Variants in FAT4 observed in about 807,000 individuals in gnomAD.
FAT4 encodes the protein protocadherin Fat 4.
FAT4 carries 84 observed loss-of-function variants against 303.9 expected under a neutral mutation model. That is an observed-to-expected ratio of 0.28 (90% CI 0.23 to 0.33). FAT4 has a LOEUF of 0.33. FAT4 is among the 10% of genes least tolerant of loss of function. The probability of loss-of-function intolerance (pLI) is 1.00; values close to 1 mark genes in which losing one functional copy is unlikely to be tolerated. For synonymous variants in FAT4, 2,307 were observed against 2,298.8 expected, an observed-to-expected ratio of 1.00 and a Z score of -0.10; for missense variants, 6,005 against 6,146.8, an observed-to-expected ratio of 0.98 and a Z score of 0.77.
At chr4:125,390,124 T>C (rs75705992) in intron 2 of FAT4, among the ~76,000 whole-genome samples, 9,696 of 152,246 alleles carry the variant, frequency 0.064, 306 homozygotes, top group Middle Eastern at 0.088. Context: ...CAGCTCTTTA[T>C]TGTTGTTAAG....
At position 125,451,547 on chromosome 4, in the gene FAT4, A is replaced by C. The variant is rs746827059; in HGVS notation, c.10537A>C (p.Thr3513Pro). 5.0e-6 allele frequency: 8 copies of C among 1,614,138 alleles called. No homozygotes were observed. The highest frequency in any genetic ancestry group is 6.8e-6 in the Non-Finnish European group (8 of 1,180,008). The stretch of plus-strand genomic sequence containing the variant: ...TATAAATGATAACGGGCCCATGCTG[A>C]CTGTCAGTGAAGGAGAAGTCATGGA... ...EDINDNGPML[T>P]VSEGEVMENK... is the part of the protein sequence containing the mutation. Residue 3513 changes from threonine to proline, a missense_variant, in exon 10 of 18, where the codon ACT becomes CCT. Coordinates refer to ENST00000394329, the MANE Select transcript of FAT4 (RefSeq NM_001291303.3).
At chr4:125,339,505 A>G (rs1204595746) in intron 2 of FAT4, among the ~76,000 whole-genome samples, 1 of 152,090 alleles carries the variant, frequency 6.6e-6, no homozygotes, top group Non-Finnish European at 1.5e-5. Context: ...CTCCAACATT[A>G]TTTCTATGGT....
Position 125,408,484 on chromosome 4 carries a change from T to A in FAT4, c.5610T>A (p.Ser1870=), listed in dbSNP as rs1734709340. The part of the protein sequence containing the change: ...VAAILATDDD[S]GVNGEITYIV... The stretch of plus-strand genomic sequence containing the variant: ...CCATTTTAGCCACGGATGATGACTC[T>A]GGTGTGAATGGAGAAATTACATATA... Residue 1870 remains serine (S), a synonymous_variant, in exon 5 of 18, where the codon TCT becomes TCA. Coordinates refer to ENST00000394329, the MANE Select transcript of FAT4 (RefSeq NM_001291303.3). The A allele has an allele frequency of 6.2e-7, 1 of 1,611,882 alleles. No homozygotes were observed. Among genetic ancestry groups the A allele is most frequent in the Admixed American group, 1.7e-5 (1 of 59,790 alleles).
At chr4:125,342,750 AAC>A (rs1321041658) in intron 2 of FAT4, among the ~76,000 whole-genome samples, 1 of 151,906 alleles carries the variant, frequency 6.6e-6, no homozygotes, top group Non-Finnish European at 1.5e-5. Flanking sequence ...TCAAGAATGA[AAC>A]ACAATTTTAT....
chr4:125,376,262 T>G (rs951802873), intron 2 of FAT4, among the ~76,000 whole-genome samples: 2 of 152,244 alleles, frequency 1.3e-5, no homozygotes, highest in African/African-American at 4.8e-5. Flanking sequence ...ATGCAAGATT[T>G]TATTTTTCCT....
intron 11 of FAT4, among the ~76,000 whole-genome samples, chr4:125,465,058 A>G (rs1012907428): frequency 6.6e-6 from 1 of 152,240 alleles, no homozygotes; most frequent in Non-Finnish European, 1.5e-5. Context: ...AAAGACAAAC[A>G]AAATAGAAAA....
chr4:125,334,224 C>G (rs192704695), intron 2 of FAT4, among the ~76,000 whole-genome samples: 46 of 152,134 alleles, frequency 3.0e-4, no homozygotes, highest in African/African-American at 1.1e-3. Flanking sequence ...AAGACATCTC[C>G]CAAAAACATG....
chr4:125,424,901 A>C (rs924295027), intron 7 of FAT4, among the ~76,000 whole-genome samples: 11 of 152,206 alleles, frequency 7.2e-5, no homozygotes, highest in Non-Finnish European at 1.0e-4. Flanking sequence ...AAAAGGCACG[A>C]ATCAGGCATG....
chr4:125,339,291 G>T (rs1231811572), intron 2 of FAT4, among the ~76,000 whole-genome samples: 2 of 151,998 alleles, frequency 1.3e-5, no homozygotes, highest in Non-Finnish European at 2.9e-5. Flanking sequence ...AGCCTCCCGG[G>T]TTCAAGCGAT....
intron 2 of FAT4, among the ~76,000 whole-genome samples, chr4:125,351,243 C>A (rs1357714449): frequency 6.6e-6 from 1 of 151,510 alleles, no homozygotes; most frequent in Non-Finnish European, 1.5e-5. Flanking sequence ...TTGGTGCCAC[C>A]AATTTGAAAT....
chr4:125,491,578 T>G lies in FAT4; in HGVS notation c.14762T>G (p.Met4921Arg), dbSNP rs1264855798. The G allele has an allele frequency of 8.1e-6, 13 of 1,614,042 alleles. No individual in the cohort carries two copies. Among genetic ancestry groups the G allele is most frequent in the African/African-American group, 1.3e-5 (1 of 74,922 alleles). ...APGTADNTLP[M>R]KLGQQAGTFN... is the part of the protein sequence containing the mutation. ...GGCACTGCTGACAACACACTGCCCATGAAGCTAGGGCAGCAAGCAGGGACT... is the reference window on the plus strand; with the variant it reads ...GGCACTGCTGACAACACACTGCCCAGGAAGCTAGGGCAGCAAGCAGGGACT... The change falls in exon 18 of 18, where the codon ATG becomes AGG. Residue 4921 changes from methionine to arginine, a missense_variant. Transcript: ENST00000394329.
intron 2 of FAT4, among the ~76,000 whole-genome samples, chr4:125,382,572 G>C (rs906718067): frequency 6.6e-6 from 1 of 152,168 alleles, no homozygotes; most frequent in Admixed American, 6.5e-5. Context: ...AGCAGGTAGA[G>C]TAGACATAGC....
chr4:125,337,228 A>G (rs532628964), intron 2 of FAT4, among the ~76,000 whole-genome samples: 1 of 152,178 alleles, frequency 6.6e-6, no homozygotes, highest in South Asian at 2.1e-4. Flanking sequence ...TTTGGATTAT[A>G]GTGAATTTTT....
intron 8 of FAT4, among the ~76,000 whole-genome samples, chr4:125,434,863 G>C (rs1357341858): frequency 6.6e-6 from 1 of 152,128 alleles, no homozygotes; most frequent in African/African-American, 2.4e-5. Flanking sequence ...TTCCTGATGT[G>C]GTTCTTTAGC....
At position 125,490,890 on chromosome 4, in the gene FAT4, T is replaced by C; in HGVS notation, c.14074T>C (p.Ser4692Pro). 6.2e-7 allele frequency: 1 copy of C among 1,614,142 alleles called. No individual in the cohort carries two copies. Among genetic ancestry groups the C allele is most frequent in the South Asian group, 1.1e-5 (1 of 91,080 alleles). ...TTTGAGAACCAGCTCCCTAAGCCAC[T>C]CAGCATGCCCAACTCCCAACCCTCT... ...QGLRTSSLSH[S>P]ACPTPNPLSR... Residue 4692 changes from serine (S) to proline (P), a missense_variant, in exon 18 of 18, where the codon TCA becomes CCA. Transcript: ENST00000394329.
chr4:125,318,266 C>T lies in FAT4; in HGVS notation c.1855C>T (p.Arg619Cys), dbSNP rs202125547. The change falls in exon 2 of 18, where the codon CGC (arginine) becomes TGC (cysteine). Residue 619 changes from arginine (R) to cysteine (C), a missense_variant. Physicochemically the swap from Arg to Cys is radical, Grantham distance 180. Coordinates refer to ENST00000394329, the MANE Select transcript of FAT4 (RefSeq NM_001291303.3). ...GGACCTGGGTGACAACGGAACAGTG[C>T]GCTTCTCCTTACAAGAGGCAGAGAC... ...DGDLGDNGTV[R>C]FSLQEAETDR... The T allele has an allele frequency of 2.4e-4, 381 of 1,614,176 alleles. 6 individuals carry two copies. In the African/African-American group the frequency reaches 4.1e-3, roughly 17 times the overall value.
Position 125,317,328 on chromosome 4 carries a change from C to G in FAT4, c.917C>G (p.Thr306Arg). Residue 306 changes from threonine to arginine, a missense_variant, in exon 2 of 18, where the codon ACG becomes AGG. Coordinates refer to ENST00000394329, the MANE Select transcript of FAT4 (RefSeq NM_001291303.3). This position sits in a 1 kb window ranked among gnomAD's most constrained non-coding sequence, Gnocchi z 7.0. Reference protein sequence around the residue: ...FQMDPETGLITVREPLDFEAR... With the variant: ...FQMDPETGLIRVREPLDFEAR... Reference sequence around the variant, plus strand: ...ATGGACCCTGAGACGGGACTTATCACGGTGCGGGAGCCCCTGGACTTCGAA... The same window carrying G: ...ATGGACCCTGAGACGGGACTTATCAGGGTGCGGGAGCCCCTGGACTTCGAA... 1 of 1,609,606 alleles carries G rather than the reference C, an allele frequency of 6.2e-7. No homozygotes were observed. The highest frequency in any genetic ancestry group is 8.5e-7 in the Non-Finnish European group (1 of 1,177,196).
chr4:125,319,768 G>C lies in FAT4; in HGVS notation c.3357G>C (p.Val1119=), dbSNP rs1730845494. The C allele has an allele frequency of 6.2e-7, 1 of 1,614,190 alleles. No individual in the cohort carries two copies. The highest frequency in any genetic ancestry group is 1.3e-5 in the African/African-American group (1 of 75,040). Reference sequence around the variant, plus strand: ...AAGAGCAGAGGGCTGGGTCGTTTGTGGGCAAAGTAAGTGCTGTAGATAAAG... The same window carrying C: ...AAGAGCAGAGGGCTGGGTCGTTTGTCGGCAAAGTAAGTGCTGTAGATAAAG... The part of the protein sequence containing the change: ...FEEEQRAGSF[V]GKVSAVDKDF... The change falls in exon 2 of 18, where the codon GTG becomes GTC. Residue 1119 remains valine (V), a synonymous_variant. Transcript: ENST00000394329.
chr4:125,485,565 C>G (rs1201465708), intron 16 of FAT4, among the ~76,000 whole-genome samples: 2 of 152,160 alleles, frequency 1.3e-5, no homozygotes, highest in African/African-American at 4.8e-5. Flanking sequence ...GACAATAACA[C>G]AGATGGAACT....
Sources: allele counts gnomAD v4.1 joint callset (sites outside exome capture counted in the v4.1 genomes callset), GRCh38; gene constraint gnomAD v4.1.1; non-coding constraint Gnocchi (gnomAD v3.1); transcripts MANE v1.5; gene names NCBI Gene and HGNC (gene_info 2026-07-23, HGNC 2026-07-21).